DUSP14: variants seen among roughly 807,000 people sequenced by gnomAD.
The protein encoded by DUSP14 is dual specificity protein phosphatase 14.
Under a neutral mutation model 13.2 loss-of-function variants are expected in DUSP14, and 5 were observed. The ratio of observed to expected loss-of-function variants is 0.38; its 90% CI spans 0.20 to 0.80. DUSP14 has a LOEUF of 0.80. Among genes scored for constraint, DUSP14 ranks in the 30% least tolerant of loss-of-function variants. The pLI is 0.44. For missense variants in DUSP14, 185 were observed against 264.0 expected (o/e 0.70, Z 2.07); for synonymous variants, 91 against 103.4 (o/e 0.88, Z 0.73).
rs138244739 is a variant in DUSP14 at position 37,496,314 on chromosome 17, A to G, written c.-181+6356A>G. On this transcript the variant is annotated intron_variant, in intron 1 of 2. Transcript: ENST00000617516. ...TTACTTTTAGAAATTGAAATCATAT[A>G]GAAAATTATGCTGGGCACAGTGGCT... is the stretch of plus-strand genomic sequence containing the variant. Among the ~76,000 whole-genome samples, 842 of 152,338 alleles carry G rather than the reference A, an allele frequency of 5.5e-3. 7 individuals are homozygous for G. The highest frequency in any genetic ancestry group is 8.7e-3 in the Non-Finnish European group (593 of 68,032).
At chr17:37,501,879 A>C (rs1443832413) in intron 1 of DUSP14, among the ~76,000 whole-genome samples, 1 of 151,654 alleles carries the variant, frequency 6.6e-6, no homozygotes, top group African/African-American at 2.4e-5. Context: ...CTATAAAACA[A>C]CTCCCCAAGA....
In DUSP14 at chr17:37,512,821, C is replaced by A. The variant is rs369207315; in HGVS notation, c.549C>A (p.Asp183Glu). The A allele has an allele frequency of 6.2e-7, 1 of 1,611,922 alleles. No homozygotes were observed. The highest frequency in any genetic ancestry group is 8.5e-7 in the Non-Finnish European group (1 of 1,178,542). The change falls in exon 3 of 3, where the codon GAC (aspartate) becomes GAA (glutamate). Residue 183 changes from aspartate (D) to glutamate (E), a missense_variant. Transcript: ENST00000617516. This position sits in a 1 kb window ranked among gnomAD's most constrained non-coding sequence, Gnocchi z 4.8. ...AGACACCTTATGGCATAGTTCCCGA[C>A]GTCTATGAGAAGGAGTCCCGACACC... ...MVQTPYGIVP[D>E]VYEKESRHLM... is the part of the protein sequence containing the mutation.
At chr17:37,511,937 A>AGTGTTTTTTTTTTTTTT (rs1329764853) in intron 2 of DUSP14, among the ~76,000 whole-genome samples, 1 of 16,440 alleles carries the variant, frequency 6.1e-5, no homozygotes, top group Non-Finnish European at 1.2e-4. Flanking sequence ...CCCCCACCCC[A>AGTGTTTTTTTTTTTTTT]CTTTTTTTTT....
chr17:37,489,677 G>A (rs1386787037), upstream of DUSP14, among the ~76,000 whole-genome samples: 2 of 151,820 alleles, frequency 1.3e-5, no homozygotes, highest in African/African-American at 2.4e-5. Context: ...CTCTAGGGGA[G>A]GCTGCTGCCT....
intron 1 of DUSP14, among the ~76,000 whole-genome samples, chr17:37,497,742 CAAA>C (rs71368456): frequency 7.0e-5 from 9 of 127,688 alleles, no homozygotes; most frequent in African/African-American, 8.6e-5. Flanking sequence ...GATTCTTGCT[CAAA>C]AAAAAAAAAA....
At chr17:37,509,128 T>TATATAC (rs1483030488) in intron 1 of DUSP14, among the ~76,000 whole-genome samples, 1 of 31,196 alleles carries the variant, frequency 3.2e-5, no homozygotes, top group Non-Finnish European at 5.5e-5. Context: ...TATATATATA[T>TATATAC]ACACACACAC....
chr17:37,489,252 C>T (rs1389665372), upstream of DUSP14, among the ~76,000 whole-genome samples: 4 of 152,058 alleles, frequency 2.6e-5, no homozygotes, highest in African/African-American at 9.7e-5. Flanking sequence ...GTGTGGGCTC[C>T]GAGACTCGGA....
intron 1 of DUSP14, among the ~76,000 whole-genome samples, chr17:37,490,262 G>A (rs1007445659): frequency 6.6e-6 from 1 of 151,902 alleles, no homozygotes; most frequent in Admixed American, 6.6e-5. Flanking sequence ...CTGTGCCCCG[G>A]GGCTCCAGCA....
chr17:37,506,219 A>C (rs11653332), intron 1 of DUSP14, among the ~76,000 whole-genome samples: 107,675 of 151,476 alleles, frequency 0.71, 38,804 homozygotes, highest in East Asian at 0.97. Context: ...GAGCCGAGAT[A>C]GCGCCATTGC....
At chr17:37,503,438 A>G (rs2054118005) in intron 1 of DUSP14, among the ~76,000 whole-genome samples, 1 of 152,164 alleles carries the variant, frequency 6.6e-6, no homozygotes, top group South Asian at 2.1e-4. Flanking sequence ...AAACAAAACA[A>G]AAAACAAGGT....
chr17:37,496,420 C>T (rs2054065193), intron 1 of DUSP14, among the ~76,000 whole-genome samples: 1 of 137,548 alleles, frequency 7.3e-6, no homozygotes, highest in Admixed American at 7.1e-5. Context: ...ACTAGCCTGA[C>T]CAACATGGTG....
chr17:37,496,868 A>G (rs1017668610), intron 1 of DUSP14, among the ~76,000 whole-genome samples: 1 of 148,672 alleles, frequency 6.7e-6, no homozygotes, highest in Non-Finnish European at 1.5e-5. Flanking sequence ...GTGAGCAGAG[A>G]TTGAGCCACT....
At chr17:37,508,904 G>A (rs1482726636) in intron 1 of DUSP14, among the ~76,000 whole-genome samples, 4 of 148,064 alleles carry the variant, frequency 2.7e-5, no homozygotes, top group African/African-American at 9.9e-5. Context: ...AGACCTGTAC[G>A]TGGATGCTCA....
intron 1 of DUSP14, among the ~76,000 whole-genome samples, chr17:37,490,266 T>C (rs1000672338): frequency 6.6e-6 from 1 of 151,708 alleles, no homozygotes. Context: ...GCCCCGGGGC[T>C]CCAGCAGCCT....
At chr17:37,489,234 G>A (rs895811901), upstream of DUSP14, among the ~76,000 whole-genome samples, 1 of 152,196 alleles carries the variant, frequency 6.6e-6, no homozygotes, top group Non-Finnish European at 1.5e-5. Context: ...CGGGGACTCG[G>A]GAGGTGGGTG....
intron 1 of DUSP14, among the ~76,000 whole-genome samples, chr17:37,490,870 A>G (rs528402363): frequency 4.1e-4 from 62 of 152,310 alleles, no homozygotes; most frequent in Non-Finnish European, 2.8e-4. Flanking sequence ...AACTCCGGGT[A>G]TCCTTAGTAA....
At position 37,512,748 on chromosome 17, in the gene DUSP14, T is replaced by TA; in HGVS notation, c.477dup (p.Asp160ArgfsTer13). 1.9e-6 allele frequency: 3 copies of TA among 1,613,996 alleles called. No individual in the cohort carries two copies. Among genetic ancestry groups the TA allele is most frequent in the East Asian group, 2.2e-5 (1 of 44,884 alleles). ...AACGTAGGCTTCTGGAGGCAACTGA[T>TA]AGACTACGAGCGCCAGCTCTTTGGG... On this transcript the variant is annotated frameshift_variant, in exon 3 of 3. Coordinates refer to ENST00000617516, the MANE Select transcript of DUSP14 (RefSeq NM_007026.4). LOFTEE classifies it high-confidence loss of function. This position sits in a 1 kb window ranked among gnomAD's most constrained non-coding sequence, Gnocchi z 4.8.
chr17:37,510,386 C>T (rs756197494), intron 1 of DUSP14: 2 of 152,174 alleles, frequency 1.3e-5, no homozygotes, highest in Non-Finnish European at 2.9e-5. Flanking sequence ...GGACATTTCG[C>T]GGATAGGTTG....
chr17:37,494,814 GA>G (rs1368177953), intron 1 of DUSP14, among the ~76,000 whole-genome samples: 1 of 152,190 alleles, frequency 6.6e-6, no homozygotes, highest in Non-Finnish European at 1.5e-5. Flanking sequence ...CTGGAGGGAT[GA>G]TGGAAGAACA....
Sources: allele counts gnomAD v4.1 joint callset (sites outside exome capture counted in the v4.1 genomes callset), GRCh38; gene constraint gnomAD v4.1.1; non-coding constraint Gnocchi (gnomAD v3.1); transcripts MANE v1.5; gene names NCBI Gene and HGNC (gene_info 2026-07-23, HGNC 2026-07-21).